ZFHX3: variants seen among roughly 807,000 people sequenced by gnomAD.
The protein encoded by ZFHX3 is zinc finger homeobox protein 3.
Under a neutral mutation model 279.1 loss-of-function variants are expected in ZFHX3, and 42 were observed. The observed-to-expected ratio is 0.15, with a 90% confidence interval of 0.12 to 0.19. The LOEUF (loss-of-function observed/expected upper bound fraction) is 0.19. ZFHX3 is among the 10% of genes least tolerant of loss of function. ZFHX3 has a pLI of 1.00. For synonymous variants in ZFHX3, 2,293 were observed against 1,957.8 expected, an observed-to-expected ratio of 1.17 and a Z score of -4.52; for missense variants, 4,981 against 4,754.0, an observed-to-expected ratio of 1.05 and a Z score of -1.40.
chr16:73,615,942 G>A (rs1025956221), intron 2 of ZFHX3, among the ~76,000 whole-genome samples: 1 of 152,156 alleles, frequency 6.6e-6, no homozygotes, highest in African/African-American at 2.4e-5. Flanking sequence ...GAATCTTCAC[G>A]TGGGCTAAAG....
chr16:73,714,622 T>C (rs1386551629), intron 1 of ZFHX3, among the ~76,000 whole-genome samples: 2 of 152,226 alleles, frequency 1.3e-5, no homozygotes, highest in East Asian at 3.9e-4. Context: ...TGTGTTAACA[T>C]TTCAACATGT....
Position 73,278,167 on chromosome 16 carries a change from G to A in ZFHX3, c.-1193-21031C>T, listed in dbSNP as rs1349196185. Among the ~76,000 whole-genome samples, 3 of 152,138 alleles carry A rather than the reference G, an allele frequency of 2.0e-5. No individual in the cohort carries two copies. In the East Asian group the frequency reaches 5.8e-4, roughly 29 times the overall value. ...TATCTTTTCCATTAATTTGGTAAATGATCATTTAAACCCAAGGAAGAAGTT... is the reference window on the plus strand; with the variant it reads ...TATCTTTTCCATTAATTTGGTAAATAATCATTTAAACCCAAGGAAGAAGTT... On this transcript the variant is annotated intron_variant, in intron 4 of 17. Transcript: ENST00000641206.
At chr16:73,310,447 T>C (rs1040374987) in intron 4 of ZFHX3, among the ~76,000 whole-genome samples, 1 of 152,246 alleles carries the variant, frequency 6.6e-6, no homozygotes, top group African/African-American at 2.4e-5. Flanking sequence ...TGCTCTCTCC[T>C]TTCCTGCATA....
chr16:73,561,755 A>T (rs1214623249), intron 2 of ZFHX3, among the ~76,000 whole-genome samples: 2 of 152,184 alleles, frequency 1.3e-5, no homozygotes, highest in Non-Finnish European at 2.9e-5. Flanking sequence ...TTATTCCTCA[A>T]AAGGAAACAA....
rs984868291 is a variant in ZFHX3, at chr16:72,786,860, T to G, written c.*304A>C. On this transcript the variant is annotated 3_prime_UTR_variant, in exon 10 of 10. Transcript: ENST00000268489. ...CAAGGGGTTTAAGCTCCAAAGACAT[T>G]AGGGAGGCCCTGCGGACTTCTGTTT... 5.7e-6 allele frequency: 1 copy of G among 173,980 alleles called. No individual in the cohort carries two copies. 10.8% of individuals were successfully genotyped at this position (173,980 alleles called of 1,614,324 possible).
intron 3 of ZFHX3, among the ~76,000 whole-genome samples, chr16:73,448,538 G>A (rs1182219526): frequency 6.6e-6 from 1 of 152,074 alleles, no homozygotes; most frequent in African/African-American, 2.4e-5. Flanking sequence ...AAAGTCTTTA[G>A]TGAACGAAAA....
chr16:73,861,368 A>C (rs1961878024), intron 1 of ZFHX3, among the ~76,000 whole-genome samples: 1 of 152,152 alleles, frequency 6.6e-6, no homozygotes, highest in Non-Finnish European at 1.5e-5. Flanking sequence ...CAATCTCCAA[A>C]GCCAGAGGGA....
chr16:73,127,172 T>C, intron 7 of ZFHX3: 6 of 359,988 alleles, frequency 1.7e-5, no homozygotes, highest in South Asian at 1.5e-4. Flanking sequence ...TGACTACCTG[T>C]TGGAAGAAGG....
intron 2 of ZFHX3, among the ~76,000 whole-genome samples, chr16:73,551,585 C>T (rs2143770874): frequency 6.6e-6 from 1 of 152,284 alleles, no homozygotes; most frequent in Non-Finnish European, 1.5e-5. Flanking sequence ...AGTTCATATT[C>T]TTTGTTTCCT....
intron 7 of ZFHX3, among the ~76,000 whole-genome samples, chr16:73,113,540 A>G (rs1966401097): frequency 6.6e-6 from 1 of 152,190 alleles, no homozygotes. Context: ...GTGAGTAATT[A>G]CAATTATGCA....
Position 73,856,899 on chromosome 16 carries a change from G to T in ZFHX3, c.-1608+34752C>A, listed in dbSNP as rs138046414. Among the ~76,000 whole-genome samples the T allele has an allele frequency of 3.8e-4, 58 of 152,298 alleles. No homozygotes were observed. In the East Asian group the frequency reaches 0.011, roughly 28 times the overall value. ...ATGTTTCCATGCCCCACCGTTGTTTGAACAGAGGTAAGTATTGCTGTGATC... is the reference window on the plus strand; with the variant it reads ...ATGTTTCCATGCCCCACCGTTGTTTTAACAGAGGTAAGTATTGCTGTGATC... On this transcript the variant is annotated intron_variant, in intron 1 of 17. Coordinates refer to the ZFHX3 transcript ENST00000641206.
intron 5 of ZFHX3, among the ~76,000 whole-genome samples, chr16:73,170,079 C>T (rs531621991): frequency 6.6e-6 from 1 of 152,242 alleles, no homozygotes; most frequent in Admixed American, 6.5e-5. Context: ...CAGCACAGCA[C>T]CTGGCACATG....
intron 7 of ZFHX3, among the ~76,000 whole-genome samples, chr16:73,124,378 A>C (rs1441852765): frequency 6.6e-6 from 1 of 152,118 alleles, no homozygotes; most frequent in South Asian, 2.1e-4. Context: ...TTATAAGATC[A>C]CTAATTCCAT....
intron 2 of ZFHX3, among the ~76,000 whole-genome samples, chr16:73,542,278 G>A (rs147743845): frequency 0.014 from 2,098 of 152,252 alleles, 49 homozygotes; most frequent in African/African-American, 0.048. Context: ...GGCCTGGGGC[G>A]GGGGCTGCAC....
intron 4 of ZFHX3, among the ~76,000 whole-genome samples, chr16:73,291,090 A>C (rs1465131154): frequency 1.3e-5 from 2 of 152,012 alleles, no homozygotes; most frequent in Non-Finnish European, 2.9e-5. Context: ...ATCCAACTAA[A>C]CCCCACAGCA....
chr16:73,615,051 C>G (rs957029105), intron 2 of ZFHX3, among the ~76,000 whole-genome samples: 6 of 151,860 alleles, frequency 4.0e-5, no homozygotes, highest in African/African-American at 1.5e-4. Context: ...TGAGCCACCA[C>G]GCCTGGCCAC....
chr16:73,661,164 C>T (rs916522896), intron 2 of ZFHX3, among the ~76,000 whole-genome samples: 14 of 152,220 alleles, frequency 9.2e-5, no homozygotes, highest in South Asian at 4.2e-4. Flanking sequence ...ATAAAGGGTC[C>T]GGTTTCTTGT....
intron 2 of ZFHX3, among the ~76,000 whole-genome samples, chr16:73,525,284 C>T (rs860380): frequency 0.6 from 91,194 of 152,014 alleles, 28,322 homozygotes; most frequent in East Asian, 0.99. Flanking sequence ...GCCAAAGTCA[C>T]GCCACTGTAT....
chr16:73,645,675 T>G (rs1360793821), intron 2 of ZFHX3, among the ~76,000 whole-genome samples: 1 of 152,224 alleles, frequency 6.6e-6, no homozygotes, highest in East Asian at 1.9e-4. Context: ...TTAACAAGCA[T>G]TTATTAATAA....
Sources: allele counts gnomAD v4.1 joint callset (sites outside exome capture counted in the v4.1 genomes callset), GRCh38; gene constraint gnomAD v4.1.1; transcripts MANE v1.5; gene names NCBI Gene and HGNC (gene_info 2026-07-23, HGNC 2026-07-21).